SMG6: variants seen among roughly 807,000 people sequenced by gnomAD.
SMG6 encodes the protein telomerase-binding protein EST1A.
A neutral mutation model predicts 142.2 loss-of-function variants in SMG6; 66 were observed. That is an observed-to-expected ratio of 0.46 (90% CI 0.38 to 0.57). The LOEUF (loss-of-function observed/expected upper bound fraction) is 0.57, where lower values mean the gene tolerates loss of function less well. Ranked by LOEUF, SMG6 falls within the 20% of genes least tolerant of loss-of-function variation. The pLI is 0.00. For synonymous variants in SMG6, 779 were observed against 702.4 expected, an observed-to-expected ratio of 1.11 and a Z score of -1.72; for missense variants, 1,793 against 1,832.0, an observed-to-expected ratio of 0.98 and a Z score of 0.39.
At chr17:2,132,473 G>A (rs1282054143) in intron 13 of SMG6, among the ~76,000 whole-genome samples, 3 of 152,144 alleles carry the variant, frequency 2.0e-5, no homozygotes, top group Non-Finnish European at 4.4e-5. Flanking sequence ...GGTGTGGGAC[G>A]ATCAGTGGAT....
chr17:2,297,219 A>T, intron 4 of SMG6, 24 bp downstream of exon 4: 3 of 1,522,280 alleles, frequency 2.0e-6, no homozygotes, highest in Non-Finnish European at 2.7e-6. Flanking sequence ...TGAAAATTTA[A>T]GATACATAAA....
intron 17 of SMG6, 65 bp from the exon 18 acceptor site, chr17:2,065,219 G>C: frequency 7.1e-5 from 92 of 1,295,604 alleles, no homozygotes; most frequent in Non-Finnish European, 9.0e-5. Context: ...AGGAGGAGGA[G>C]GGATCCTCTG....
In SMG6 at chr17:2,282,861, T is replaced by C. The variant is rs966335825; in HGVS notation, c.2449-2A>G. Reference sequence around the variant, plus strand: ...TTGCTTCTTTTCCATCTGTTCTGCCTATATAACATACAAACACATTAGCTC... The same window carrying C: ...TTGCTTCTTTTCCATCTGTTCTGCCCATATAACATACAAACACATTAGCTC... On this transcript the variant is annotated splice_acceptor_variant, in intron 7 of 18. Coordinates refer to ENST00000263073, the MANE Select transcript of SMG6 (RefSeq NM_017575.5). LOFTEE classifies it high-confidence loss of function. 1.9e-6 allele frequency: 3 copies of C among 1,613,916 alleles called. No individual in the cohort carries two copies. The African/African-American group carries it at 4.0e-5, about 22-fold the overall frequency.
At chr17:2,137,062 G>A (rs1048088091) in intron 13 of SMG6, among the ~76,000 whole-genome samples, 4 of 152,192 alleles carry the variant, frequency 2.6e-5, no homozygotes, top group Non-Finnish European at 2.9e-5. Flanking sequence ...TACCTTGGAG[G>A]CTGAGGTAGG....
chr17:2,101,961 CAGA>C (rs71902577), intron 13 of SMG6, among the ~76,000 whole-genome samples: 46,626 of 151,776 alleles, frequency 0.31, 8,798 homozygotes, highest in African/African-American at 0.54. Context: ...TGGAAATTCA[CAGA>C]AGAAGAGAAA....
chr17:2,269,219 CAAAAAAAAA>C (rs746635212), intron 8 of SMG6, among the ~76,000 whole-genome samples: 1 of 82,636 alleles, frequency 1.2e-5, no homozygotes, highest in Non-Finnish European at 2.3e-5. Flanking sequence ...GACTCCATCT[CAAAAAAAAA>C]AAAAAAAAAA....
intron 10 of SMG6, among the ~76,000 whole-genome samples, chr17:2,195,043 G>A (rs1190748289): frequency 6.6e-6 from 1 of 152,210 alleles, no homozygotes; most frequent in African/African-American, 2.4e-5. Context: ...CCTAGCAAGA[G>A]GCGGCCTGGG....
Position 2,294,600 on chromosome 17 carries a change from T to C in SMG6, c.2152-1623A>G, listed in dbSNP as rs1440927036. 2.6e-5 allele frequency among the ~76,000 whole-genome samples: 4 copies of C among 152,226 alleles called. No individual in the cohort carries two copies. The East Asian group carries it at 5.8e-4, about 22-fold the overall frequency. ...ATGTTCCTCTCCTTGCATCTACACA[T>C]ACACCTTCACCTGGCTGAAGCTTTC... On this transcript the variant is annotated intron_variant, in intron 4 of 18. Coordinates refer to ENST00000263073, the MANE Select transcript of SMG6 (RefSeq NM_017575.5).
intron 13 of SMG6, among the ~76,000 whole-genome samples, chr17:2,134,224 C>G (rs1243527910): frequency 6.6e-6 from 1 of 151,620 alleles, no homozygotes; most frequent in Non-Finnish European, 1.5e-5. Flanking sequence ...TCGAGACCAG[C>G]CTGTCCAATA....
rs200204459 is a variant in SMG6, at chr17:2,065,581, C to T, written c.3934G>A (p.Glu1312Lys). The T allele has an allele frequency of 1.7e-4, 268 of 1,613,998 alleles. No individual in the cohort carries two copies. Among genetic ancestry groups the T allele is most frequent in the Non-Finnish European group, 2.2e-4 (259 of 1,180,034 alleles). ...VVQEKARKSI[E>K]FLEQRFESRD... ...CTCTCGAATCGCTGCTCGAGGAACT[C>T]GATGGACTTGCGGGCCTTCTCTTGT... is the stretch of plus-strand genomic sequence containing the variant. Residue 1312 changes from glutamate (E) to lysine (K), a missense_variant, in exon 17 of 19, where the codon GAG becomes AAG. This residue lies in a region of SMG6 where 179 missense variants were observed against 212.6 expected (regional missense o/e 0.84). Transcript: ENST00000263073.
chr17:2,130,191 C>T (rs998801006), intron 13 of SMG6, among the ~76,000 whole-genome samples: 6 of 135,664 alleles, frequency 4.4e-5, no homozygotes, highest in East Asian at 2.1e-4. Flanking sequence ...ACCCGGGAAG[C>T]GGAGCTTGCA....
rs551346489 is a variant in SMG6 at position 2,060,501 on chromosome 17, A to C, written c.*991T>G. 6.6e-6 allele frequency: 1 copy of C among 152,358 alleles called. No individual in the cohort carries two copies. Among genetic ancestry groups the C allele is most frequent in the South Asian group, 2.1e-4 (1 of 4,838 alleles). The allele number at this position is 152,358 out of a possible 1,614,324, so 9.4% of individuals were successfully genotyped here. A position where few individuals can be genotyped will look rare whatever the true frequency, so the allele number is the denominator to read the frequency against. The stretch of plus-strand genomic sequence containing the variant: ...CCTGTACTAGGTTCCTGCCATGGGT[A>C]GTAGAGAGGGAAAGTTCAGAGTGAG... On this transcript the variant is annotated 3_prime_UTR_variant, in exon 19 of 19. Transcript: ENST00000263073.
chr17:2,246,798 T>C (rs561238069), intron 8 of SMG6, among the ~76,000 whole-genome samples: 2 of 152,102 alleles, frequency 1.3e-5, no homozygotes, highest in East Asian at 3.9e-4. Context: ...ATACAAAAAT[T>C]AGCTGGGTGT....
intron 13 of SMG6, among the ~76,000 whole-genome samples, chr17:2,135,271 C>A (rs529672440): frequency 6.7e-4 from 102 of 152,186 alleles, no homozygotes; most frequent in Non-Finnish European, 1.3e-3. Context: ...GTGGAACAAT[C>A]AAATTGGACT....
chr17:2,272,717 T>A (rs187185718), intron 8 of SMG6, among the ~76,000 whole-genome samples: 1 of 152,052 alleles, frequency 6.6e-6, no homozygotes, highest in Admixed American at 6.6e-5. Context: ...GGCAGGCGGA[T>A]CATGAGGTCA....
chr17:2,106,189 A>T lies in SMG6; in HGVS notation c.3358-20288T>A, dbSNP rs983778258. ...TTCTCAGGGAGACCTTCTCTGCCAT[A>T]GAATTTTCCCTTTCCACCCCATCAC... is the stretch of plus-strand genomic sequence containing the variant. On this transcript the variant is annotated intron_variant, in intron 13 of 18. Coordinates refer to ENST00000263073, the MANE Select transcript of SMG6 (RefSeq NM_017575.5). Among the ~76,000 whole-genome samples, 5 of 152,232 alleles carry T rather than the reference A, an allele frequency of 3.3e-5. No homozygotes were observed. The East Asian group carries it at 9.6e-4, about 29-fold the overall frequency.
Position 2,075,481 on chromosome 17 carries a change from C to T in SMG6, c.3681+6329G>A, listed in dbSNP as rs142736253. Among the ~76,000 whole-genome samples, 17 of 152,300 alleles carry T rather than the reference C, an allele frequency of 1.1e-4. No individual in the cohort carries two copies. The East Asian group carries it at 2.1e-3, about 19-fold the overall frequency. On this transcript the variant is annotated intron_variant, in intron 15 of 18. Transcript: ENST00000263073. ...TGCAACTGCTCAGGAAACCTGACCC[C>T]GCCCGACAGCAGCACAAATCACAGC...
intron 8 of SMG6, among the ~76,000 whole-genome samples, chr17:2,276,272 C>G (rs2074645856): frequency 6.6e-6 from 1 of 152,170 alleles, no homozygotes; most frequent in Admixed American, 6.6e-5. Context: ...TCAAGCTGCA[C>G]AGGAATACAC....
At chr17:2,303,064 C>G (rs2075320527) in intron 1 of SMG6, 1 of 985,440 alleles carries the variant, frequency 1.0e-6, no homozygotes, top group Non-Finnish European at 1.2e-6. Context: ...TGAGCATTCT[C>G]TCTAATAAAA....
Sources: gnomAD v4.1 joint callset for allele counts (sites outside exome capture counted in the v4.1 genomes callset) on GRCh38, gnomAD v4.1.1 for gene constraint, gnomAD v4.1.1 regional missense constraint, MANE v1.5 for transcripts, NCBI Gene and HGNC (gene_info 2026-07-23, HGNC 2026-07-21) for gene names.